Variants in PDE4B observed in about 807,000 individuals in gnomAD.
PDE4B encodes the protein phosphodiesterase 4B.
Under a neutral mutation model 82.2 loss-of-function variants are expected in PDE4B, and 20 were observed. The ratio of observed to expected loss-of-function variants is 0.24; its 90% confidence interval spans 0.17 to 0.35. The LOEUF (loss-of-function observed/expected upper bound fraction) is 0.35, where lower values mean the gene tolerates loss of function less well. Ranked by LOEUF, PDE4B falls within the 10% of genes least tolerant of loss-of-function variation. The pLI, the probability that PDE4B is intolerant of heterozygous loss-of-function variation, is 1.00. For synonymous variants in PDE4B, 320 were observed against 318.9 expected, an observed-to-expected ratio of 1.00 and a Z score of -0.04; for missense variants, 655 against 907.2, an observed-to-expected ratio of 0.72 and a Z score of 3.57.
chr1:65,883,987 T>G (rs974382702), intron 1 of PDE4B, among the ~76,000 whole-genome samples: 3 of 152,186 alleles, frequency 2.0e-5, no homozygotes, highest in African/African-American at 7.2e-5. Flanking sequence ...TGAACCAGCC[T>G]TGCATCCCAG....
At chr1:66,138,431 A>T (rs1646103053) in intron 3 of PDE4B, among the ~76,000 whole-genome samples, 1 of 152,200 alleles carries the variant, frequency 6.6e-6, no homozygotes, top group South Asian at 2.1e-4. Context: ...AGGCAGGAGA[A>T]TGGCTTAAAC....
At chr1:66,188,277 G>T (rs139231770) in intron 3 of PDE4B, among the ~76,000 whole-genome samples, 1 of 151,446 alleles carries the variant, frequency 6.6e-6, no homozygotes, top group South Asian at 2.1e-4. Context: ...TTTTGCAATA[G>T]GTGTGGTGTG....
At chr1:65,802,932 C>G (rs1645711646) in intron 1 of PDE4B, among the ~76,000 whole-genome samples, 1 of 151,788 alleles carries the variant, frequency 6.6e-6, no homozygotes, top group Non-Finnish European at 1.5e-5. Context: ...GATAGTGACA[C>G]TATTGTGTAC....
intron 3 of PDE4B, among the ~76,000 whole-genome samples, chr1:65,962,818 G>C (rs1049092871): frequency 1.3e-5 from 2 of 152,152 alleles, no homozygotes; most frequent in African/African-American, 4.8e-5. Context: ...AAATTAGGGG[G>C]GCCATGTAAT....
intron 7 of PDE4B, among the ~76,000 whole-genome samples, chr1:66,273,608 G>T (rs1182990153): frequency 6.6e-6 from 1 of 152,146 alleles, no homozygotes; most frequent in Admixed American, 6.5e-5. Context: ...TATTACACTT[G>T]TCATACTGTA....
At chr1:65,988,826 T>A (rs1043257003) in intron 3 of PDE4B, among the ~76,000 whole-genome samples, 12 of 152,108 alleles carry the variant, frequency 7.9e-5, no homozygotes, top group Non-Finnish European at 1.5e-4. Context: ...TTTATAATAG[T>A]TGAAAAGTAG....
chr1:66,124,281 G>A (rs904703495), intron 3 of PDE4B, among the ~76,000 whole-genome samples: 2 of 152,126 alleles, frequency 1.3e-5, no homozygotes, highest in Non-Finnish European at 2.9e-5. Flanking sequence ...TCCTTTGTTA[G>A]TTCTGAAGAG....
chr1:66,282,157 T>A (rs1169181556), intron 7 of PDE4B, among the ~76,000 whole-genome samples: 1 of 152,214 alleles, frequency 6.6e-6, no homozygotes, highest in African/African-American at 2.4e-5. Flanking sequence ...TTCAGCAACA[T>A]TTAATCTGTT....
At chr1:66,104,309 G>A (rs1645292136) in intron 3 of PDE4B, among the ~76,000 whole-genome samples, 2 of 151,164 alleles carry the variant, frequency 1.3e-5, no homozygotes, top group Admixed American at 6.6e-5. Context: ...TGGTGTATAT[G>A]TGCCACATTT....
chr1:65,915,174 A>G (rs768101900), intron 2 of PDE4B, among the ~76,000 whole-genome samples: 1 of 152,232 alleles, frequency 6.6e-6, no homozygotes. Context: ...CACAGAAATT[A>G]TATGTGCAAA....
intron 3 of PDE4B, among the ~76,000 whole-genome samples, chr1:66,018,875 A>C (rs4655810): frequency 0.039 from 5,887 of 152,056 alleles, 479 homozygotes; most frequent in East Asian, 0.36. Context: ...TCTGTGATAC[A>C]GACTCTGACC....
intron 3 of PDE4B, among the ~76,000 whole-genome samples, chr1:66,211,827 C>A (rs1650074839): frequency 3.9e-5 from 6 of 152,182 alleles, no homozygotes; most frequent in Admixed American, 3.9e-4. Context: ...ATCATCAGGT[C>A]TCTCATTCCA....
At chr1:66,282,821 G>C (rs1656391520) in intron 7 of PDE4B, among the ~76,000 whole-genome samples, 1 of 152,110 alleles carries the variant, frequency 6.6e-6, no homozygotes, top group South Asian at 2.1e-4. Context: ...AGTGGTGTGT[G>C]GGTGTTGACA....
intron 3 of PDE4B, among the ~76,000 whole-genome samples, chr1:66,193,582 C>T (rs538404112): frequency 3.9e-4 from 59 of 152,148 alleles, no homozygotes; most frequent in Admixed American, 9.2e-4. Context: ...CTGGGTTCTC[C>T]GTGGTTTGGA....
intron 3 of PDE4B, among the ~76,000 whole-genome samples, chr1:66,215,327 A>G: frequency 6.6e-6 from 1 of 152,188 alleles, no homozygotes. Context: ...TCAAAATCCT[A>G]GGCCTGGGAG....
chr1:66,296,153 G>C (rs184146896), intron 7 of PDE4B, among the ~76,000 whole-genome samples: 33 of 152,244 alleles, frequency 2.2e-4, no homozygotes, highest in Admixed American at 6.5e-4. Flanking sequence ...ATCATGCTGT[G>C]TTATGATGAC....
At chr1:66,087,401 G>A (rs1383246245) in intron 3 of PDE4B, among the ~76,000 whole-genome samples, 1 of 152,058 alleles carries the variant, frequency 6.6e-6, no homozygotes, top group Non-Finnish European at 1.5e-5. Context: ...TTAGCCCTTT[G>A]TCAGATGAGT....
At chr1:66,282,281 C>A (rs1656355290) in intron 7 of PDE4B, among the ~76,000 whole-genome samples, 1 of 152,200 alleles carries the variant, frequency 6.6e-6, no homozygotes, top group Non-Finnish European at 1.5e-5. Flanking sequence ...GTGTCTTCCT[C>A]TCTTCTAGGA....
intron 3 of PDE4B, among the ~76,000 whole-genome samples, chr1:66,126,139 A>G (rs1645818955): frequency 6.6e-6 from 1 of 152,206 alleles, no homozygotes; most frequent in Non-Finnish European, 1.5e-5. Flanking sequence ...AAGTTCAGGG[A>G]TAAATAAGAT....
Sources: allele counts gnomAD v4.1 joint callset (sites outside exome capture counted in the v4.1 genomes callset), GRCh38; gene constraint gnomAD v4.1.1; transcripts MANE v1.5; gene names NCBI Gene and HGNC (gene_info 2026-07-23, HGNC 2026-07-21).